DIAPH3: variants seen among roughly 807,000 people sequenced by gnomAD.
The protein encoded by DIAPH3 is diaphanous related formin 3.
A neutral mutation model predicts 144.3 loss-of-function variants in DIAPH3; 117 were observed. The ratio of observed to expected loss-of-function variants is 0.81; its 90% CI spans 0.70 to 0.95. The LOEUF (loss-of-function observed/expected upper bound fraction) is 0.95, where lower values mean the gene tolerates loss of function less well. Ranked by LOEUF, DIAPH3 falls within the 40% of genes least tolerant of loss-of-function variation. The pLI is 0.00. For synonymous variants in DIAPH3, 519 were observed against 488.9 expected (o/e 1.06, Z -0.81); for missense variants, 1,421 against 1,412.7 (o/e 1.01, Z -0.09).
rs1021866271 is a variant in DIAPH3, at chr13:59,988,526, A to G, written c.1361+2632T>C. The stretch of plus-strand genomic sequence containing the variant: ...ATAATGTGGCTGAAATTTCATGCAA[A>G]AACTCACTGGGGAGGCAATACTATC... On this transcript the variant is annotated intron_variant, in intron 12 of 27. Coordinates refer to ENST00000400324, the MANE Select transcript of DIAPH3 (RefSeq NM_001042517.2). Among the ~76,000 whole-genome samples the G allele has an allele frequency of 7.3e-4, 111 of 151,936 alleles. 1 individual carries two copies. The highest frequency in any genetic ancestry group is 2.1e-3 in the African/African-American group (88 of 41,500).
At chr13:59,718,392 C>G (rs1261586892) in intron 27 of DIAPH3, among the ~76,000 whole-genome samples, 5 of 152,156 alleles carry the variant, frequency 3.3e-5, no homozygotes, top group Non-Finnish European at 7.4e-5. Context: ...ATTTGAGAAT[C>G]CATTCAAATT....
chr13:59,785,218 A>G (rs2038971166), intron 25 of DIAPH3, among the ~76,000 whole-genome samples: 1 of 152,230 alleles, frequency 6.6e-6, no homozygotes, highest in Admixed American at 6.5e-5. Flanking sequence ...TTTTATGGGG[A>G]AAAAACTCCA....
Position 59,971,090 on chromosome 13 carries a change from G to A in DIAPH3, c.1721C>T (p.Ala574Val). 6.2e-7 allele frequency: 1 copy of A among 1,612,610 alleles called. No homozygotes were observed. The highest frequency in any genetic ancestry group is 8.5e-7 in the Non-Finnish European group (1 of 1,179,292). The change falls in exon 16 of 28, where the codon GCA (alanine) becomes GTA (valine). Residue 574 changes from alanine to valine, a missense_variant. Transcript: ENST00000400324. ...AGGCAGTGGAGGCGGAGGAGGAAGT[G>A]CTGAGTGGCCAGTTCCACCTTCTTT... is the stretch of plus-strand genomic sequence containing the variant. Reference protein sequence around the residue: ...PSKEGGTGHSALPPPPPLPSG... With the variant: ...PSKEGGTGHSVLPPPPPLPSG...
At chr13:60,150,745 A>T (rs1951742076) in intron 1 of DIAPH3, among the ~76,000 whole-genome samples, 1 of 152,214 alleles carries the variant, frequency 6.6e-6, no homozygotes, top group African/African-American at 2.4e-5. Context: ...GAAGCCTGCC[A>T]GGTTGCTCCA....
At chr13:59,687,365 T>G (rs1389743620) in intron 27 of DIAPH3, among the ~76,000 whole-genome samples, 1 of 152,110 alleles carries the variant, frequency 6.6e-6, no homozygotes, top group Non-Finnish European at 1.5e-5. Flanking sequence ...TAACTTAGTT[T>G]GGACTTTTAA....
chr13:60,025,759 A>T (rs946375420), intron 5 of DIAPH3, among the ~76,000 whole-genome samples: 1 of 152,198 alleles, frequency 6.6e-6, no homozygotes, highest in African/African-American at 2.4e-5. Flanking sequence ...GAACAAAGAA[A>T]AAAACATAAT....
At chr13:59,802,973 C>T (rs1420784080) in intron 25 of DIAPH3, among the ~76,000 whole-genome samples, 6 of 151,980 alleles carry the variant, frequency 3.9e-5, no homozygotes, top group Non-Finnish European at 7.4e-5. Context: ...CGTGAGCCAC[C>T]GCGCCCAGCC....
intron 2 of DIAPH3, among the ~76,000 whole-genome samples, chr13:60,122,338 T>C (rs2058868477): frequency 6.6e-6 from 1 of 152,188 alleles, no homozygotes; most frequent in African/African-American, 2.4e-5. Context: ...CTACAGCTCA[T>C]GTAAGAGCCC....
chr13:60,055,611 A>T (rs2056524815), intron 4 of DIAPH3, among the ~76,000 whole-genome samples: 1 of 151,936 alleles, frequency 6.6e-6, no homozygotes, highest in Non-Finnish European at 1.5e-5. Flanking sequence ...GTAGCATGCA[A>T]TTATAAGAAA....
At chr13:59,879,109 C>A in intron 21 of DIAPH3, 120 bp downstream of exon 21, 1 of 1,396,426 alleles carries the variant, frequency 7.2e-7, no homozygotes, top group Non-Finnish European at 9.7e-7. Flanking sequence ...GTTCATGGTT[C>A]AGTTCAAGTT....
chr13:59,965,184 T>C (rs1354059514), intron 17 of DIAPH3, among the ~76,000 whole-genome samples: 1 of 152,122 alleles, frequency 6.6e-6, no homozygotes, highest in African/African-American at 2.4e-5. Context: ...CTTGATTTGT[T>C]TTTAAGTGGA....
At chr13:60,007,526 A>T (rs950751115) in intron 9 of DIAPH3, among the ~76,000 whole-genome samples, 1 of 152,160 alleles carries the variant, frequency 6.6e-6, no homozygotes, top group African/African-American at 2.4e-5. Flanking sequence ...GATTTACTTC[A>T]TATCTATTAA....
At chr13:60,043,455 G>C (rs1213209383) in intron 4 of DIAPH3, among the ~76,000 whole-genome samples, 1 of 152,066 alleles carries the variant, frequency 6.6e-6, no homozygotes, top group Non-Finnish European at 1.5e-5. Flanking sequence ...TAAGCATTAG[G>C]GAGGCAAAGA....
rs1410531660 is a variant in DIAPH3, at chr13:59,839,443, C to T, written c.2743G>A (p.Val915Ile). Reference sequence around the variant, plus strand: ...CTCAAATTCTTTTCCAGCGTTTCTACAGAGACTAAAAGAGAGTATATTAAA... The same window carrying T: ...CTCAAATTCTTTTCCAGCGTTTCTATAGAGACTAAAAGAGAGTATATTAAA... ...EPLDKASKVSVETLEKNLRQM... is the reference protein window; with the variant it reads ...EPLDKASKVSIETLEKNLRQM... The change falls in exon 23 of 28, where the codon GTA (valine) becomes ATA (isoleucine). Residue 915 changes from valine to isoleucine, a missense_variant. Val to Ile is a conservative substitution (Grantham distance 29). Coordinates refer to ENST00000400324, the MANE Select transcript of DIAPH3 (RefSeq NM_001042517.2). The T allele has an allele frequency of 6.2e-7, 1 of 1,612,890 alleles. No individual in the cohort carries two copies. The highest frequency in any genetic ancestry group is 1.1e-5 in the South Asian group (1 of 91,072).
At chr13:60,001,202 T>C (rs2052511212) in intron 9 of DIAPH3, among the ~76,000 whole-genome samples, 1 of 152,130 alleles carries the variant, frequency 6.6e-6, no homozygotes, top group African/African-American at 2.4e-5. Flanking sequence ...TGCAGGCAAG[T>C]TCAAAGTTCC....
chr13:60,096,553 C>A (rs957610809), intron 3 of DIAPH3, among the ~76,000 whole-genome samples: 1 of 152,160 alleles, frequency 6.6e-6, no homozygotes, highest in Non-Finnish European at 1.5e-5. Flanking sequence ...TCTCTAGGTA[C>A]GTCTTTCAGA....
intron 27 of DIAPH3, among the ~76,000 whole-genome samples, chr13:59,716,417 T>C (rs975712075): frequency 7.2e-5 from 11 of 152,164 alleles, no homozygotes; most frequent in Non-Finnish European, 1.3e-4. Flanking sequence ...TCTTGTGATC[T>C]GCCCGCCTTT....
At chr13:59,717,041 G>T (rs1303079951) in intron 27 of DIAPH3, among the ~76,000 whole-genome samples, 1 of 151,660 alleles carries the variant, frequency 6.6e-6, no homozygotes, top group African/African-American at 2.4e-5. Context: ...CAGAAACAAA[G>T]AACAGTATAG....
At chr13:59,778,890 T>C (rs2038570141) in intron 25 of DIAPH3, among the ~76,000 whole-genome samples, 1 of 152,252 alleles carries the variant, frequency 6.6e-6, no homozygotes, top group Non-Finnish European at 1.5e-5. Flanking sequence ...TCTCAGTTCT[T>C]ACAATATAAA....
Sources: allele counts gnomAD v4.1 joint callset (sites outside exome capture counted in the v4.1 genomes callset), GRCh38; gene constraint gnomAD v4.1.1; transcripts MANE v1.5; gene names NCBI Gene and HGNC (gene_info 2026-07-23, HGNC 2026-07-21).